The following NRXN3 variants were observed in gnomAD, a reference collection of about 807,000 sequenced individuals.
NRXN3 encodes the protein neurexin 3.
In NRXN3, 32 loss-of-function variants were observed where a neutral mutation model predicts 137.6. The ratio of observed to expected loss-of-function variants is 0.23; its 90% confidence interval spans 0.18 to 0.31. The LOEUF is 0.31. Among genes scored for constraint, NRXN3 ranks in the 10% least tolerant of loss-of-function variants. NRXN3 has a pLI of 1.00. For synonymous variants in NRXN3, 798 were observed against 784.5 expected, an observed-to-expected ratio of 1.02 and a Z score of -0.29; for missense variants, 1,574 against 2,062.5, an observed-to-expected ratio of 0.76 and a Z score of 4.59.
intron 4 of NRXN3, among the ~76,000 whole-genome samples, chr14:78,408,335 C>G (rs1256298786): frequency 6.6e-6 from 1 of 152,050 alleles, no homozygotes; most frequent in Non-Finnish European, 1.5e-5. Flanking sequence ...TTTATTTGCT[C>G]AACTGAATTA....
At chr14:79,145,394 T>G (rs972281399) in intron 15 of NRXN3, among the ~76,000 whole-genome samples, 1 of 152,174 alleles carries the variant, frequency 6.6e-6, no homozygotes, top group African/African-American at 2.4e-5. Flanking sequence ...TCTCACTTAG[T>G]TCTACAATCT....
Position 78,709,535 on chromosome 14 carries a change from G to T in NRXN3, c.1540G>T (p.Asp514Tyr). Residue 514 changes from aspartate (D) to tyrosine (Y), a missense_variant, in exon 7 of 21, where the codon GAT becomes TAT. Asp to Tyr is a radical substitution (Grantham distance 160, BLOSUM62 -3). Coordinates refer to ENST00000335750, the MANE Select transcript of NRXN3 (RefSeq NM_001330195.2). ...AGACTTCTTTGCCGTGGAACTCCTC[G>T]ATGGCAACCTGTACTTGCTGCTTGA... Reference protein sequence around the residue: ...KVDFFAVELLDGNLYLLLDMG... With the variant: ...KVDFFAVELLYGNLYLLLDMG... 1.2e-6 allele frequency: 2 copies of T among 1,613,994 alleles called. No individual in the cohort carries two copies. The highest frequency in any genetic ancestry group is 1.7e-6 in the Non-Finnish European group (2 of 1,179,994).
chr14:79,585,080 C>T (rs1003211055), intron 16 of NRXN3, among the ~76,000 whole-genome samples: 4 of 152,014 alleles, frequency 2.6e-5, no homozygotes, highest in Non-Finnish European at 4.4e-5. Context: ...GGAGATGGGC[C>T]GTTCAAGTTT....
rs1045330331 is a variant in NRXN3 at position 79,867,272 on chromosome 14, T to G, written c.*5308T>G. The stretch of plus-strand genomic sequence containing the variant: ...TTGAAGTGGAAGCTAAGGCAGGAAA[T>G]GAGAGGATATTGTGTTAGTCTACTG... On this transcript the variant is annotated 3_prime_UTR_variant, in exon 21 of 21. Transcript: ENST00000335750. The G allele has an allele frequency of 6.6e-6, 1 of 152,184 alleles. No homozygotes were observed. The highest frequency in any genetic ancestry group is 1.5e-5 in the Non-Finnish European group (1 of 68,050). The allele number at this position is 152,184 out of a possible 1,614,324, so 9.4% of individuals were successfully genotyped here.
intron 4 of NRXN3, among the ~76,000 whole-genome samples, chr14:78,517,340 A>G (rs2096223646): frequency 6.6e-6 from 1 of 152,106 alleles, no homozygotes; most frequent in Non-Finnish European, 1.5e-5. Flanking sequence ...TATCACATGA[A>G]CAGGTTCTGT....
chr14:79,138,077 T>C (rs921666630), intron 15 of NRXN3, among the ~76,000 whole-genome samples: 4 of 152,272 alleles, frequency 2.6e-5, no homozygotes, highest in African/African-American at 9.6e-5. Context: ...TAAATGATTT[T>C]TTAAATGGCA....
At chr14:79,061,987 A>C (rs182904539) in intron 15 of NRXN3, among the ~76,000 whole-genome samples, 1 of 152,354 alleles carries the variant, frequency 6.6e-6, no homozygotes, top group East Asian at 1.9e-4. Flanking sequence ...ACACAAGCAC[A>C]TAAATAAGTA....
chr14:79,309,078 C>A lies in NRXN3; in HGVS notation c.3263-158143C>A, dbSNP rs1370600392. On this transcript the variant is annotated intron_variant, in intron 15 of 20. Transcript: ENST00000335750. ...GTATATCTCCCAATGCTATCCCTCC[C>A]CCCTCCCCCGACCCCACCACAGTCC... Among the ~76,000 whole-genome samples, 3 of 74,910 alleles carry A rather than the reference C, an allele frequency of 4.0e-5. No individual in the cohort carries two copies. In the South Asian group the frequency reaches 1.7e-3, roughly 43 times the overall value. The allele number at this position is 74,910 out of a possible 152,430, so 49.1% of individuals were successfully genotyped here.
Position 79,692,178 on chromosome 14 carries a change from A to G in NRXN3, c.3622A>G (p.Thr1208Ala). The G allele has an allele frequency of 1.2e-6, 2 of 1,606,224 alleles. No homozygotes were observed. Among genetic ancestry groups the G allele is most frequent in the Non-Finnish European group, 1.7e-6 (2 of 1,176,568 alleles). The change falls in exon 18 of 21, where the codon ACT (threonine) becomes GCT (alanine). Residue 1208 changes from threonine (T) to alanine (A), a missense_variant. Physicochemically the swap from Thr to Ala is moderately conservative, Grantham distance 58. Coordinates refer to ENST00000335750, the MANE Select transcript of NRXN3 (RefSeq NM_001330195.2). ...PVNEHYPTGN[T>A]DNERFQMVKQ... ...CTGTTTTTTAAACTTTAAAGGCAAC[A>G]CTGATAATGAACGCTTCCAAATGGT...
intron 8 of NRXN3, among the ~76,000 whole-genome samples, chr14:78,778,712 TTC>T (rs1182088009): frequency 2.0e-5 from 3 of 149,262 alleles, no homozygotes; most frequent in African/African-American, 7.4e-5. Context: ...CTTTCTTTCT[TTC>T]TTTCTTTCTT....
At chr14:78,778,424 G>T (rs888438593) in intron 8 of NRXN3, among the ~76,000 whole-genome samples, 1 of 152,070 alleles carries the variant, frequency 6.6e-6, no homozygotes, top group Admixed American at 6.5e-5. Context: ...TTAATTTTAG[G>T]CCAAAATACA....
intron 15 of NRXN3, among the ~76,000 whole-genome samples, chr14:79,292,020 C>A (rs1428784677): frequency 6.6e-6 from 1 of 152,100 alleles, no homozygotes; most frequent in Non-Finnish European, 1.5e-5. Flanking sequence ...TTTACGGGAA[C>A]AGAAACTGAG....
chr14:79,558,874 T>C (rs575316285), intron 16 of NRXN3, among the ~76,000 whole-genome samples: 3 of 152,344 alleles, frequency 2.0e-5, no homozygotes, highest in Admixed American at 2.0e-4. Context: ...CTAGAACTTC[T>C]GAATAGCTTG....
At chr14:79,323,909 CT>C (rs1405234350) in intron 15 of NRXN3, among the ~76,000 whole-genome samples, 1 of 152,214 alleles carries the variant, frequency 6.6e-6, no homozygotes, top group Non-Finnish European at 1.5e-5. Flanking sequence ...CTCCACTTCA[CT>C]TGCAAGTACT....
chr14:78,699,342 G>A (rs1426880457), intron 6 of NRXN3, among the ~76,000 whole-genome samples: 1 of 152,200 alleles, frequency 6.6e-6, no homozygotes, highest in Non-Finnish European at 1.5e-5. Context: ...TGGAGGACCT[G>A]CTGAACTTTT....
intron 8 of NRXN3, among the ~76,000 whole-genome samples, chr14:78,750,684 T>C (rs2152951082): frequency 6.6e-6 from 1 of 152,300 alleles, no homozygotes; most frequent in South Asian, 2.1e-4. Flanking sequence ...ATCTCTGATG[T>C]AAGAGCCTGA....
chr14:78,927,150 C>CA (rs1555588692), intron 10 of NRXN3, among the ~76,000 whole-genome samples: 118 of 111,666 alleles, frequency 1.1e-3, no homozygotes, highest in Admixed American at 1.4e-3. Flanking sequence ...GTGAGACCCT[C>CA]AAAAAAAAAA....
chr14:79,731,345 C>G (rs1305267337), intron 19 of NRXN3, among the ~76,000 whole-genome samples: 1 of 152,220 alleles, frequency 6.6e-6, no homozygotes, highest in Non-Finnish European at 1.5e-5. Flanking sequence ...ACTTGTGTTT[C>G]AGACATTCCC....
chr14:78,556,856 C>T (rs1281369058), intron 4 of NRXN3, among the ~76,000 whole-genome samples: 4 of 150,484 alleles, frequency 2.7e-5, no homozygotes, highest in East Asian at 3.9e-4. Flanking sequence ...GAGACCTCTC[C>T]TCTCCTCTCT....
Sources: allele counts gnomAD v4.1 joint callset (sites outside exome capture counted in the v4.1 genomes callset), GRCh38; gene constraint gnomAD v4.1.1; transcripts MANE v1.5; gene names NCBI Gene and HGNC (gene_info 2026-07-23, HGNC 2026-07-21).